ZNF486: variants seen among roughly 807,000 people sequenced by gnomAD.
ZNF486 encodes KRAB box only protein 2.
In ZNF486, 12 loss-of-function variants were observed where a neutral mutation model predicts 12.8. The ratio of observed to expected loss-of-function variants is 0.94; its 90% confidence interval spans 0.60 to 1.52. The LOEUF (loss-of-function observed/expected upper bound fraction) is 1.52. Ranked by LOEUF, ZNF486 falls within the 40% of genes most tolerant of loss-of-function variation. ZNF486 has a pLI of 0.00. For synonymous variants in ZNF486, 231 were observed against 184.9 expected (o/e 1.25, Z -2.02); for missense variants, 738 against 545.0 (o/e 1.35, Z -3.53).
intron 1 of ZNF486, among the ~76,000 whole-genome samples, chr19:20,170,698 G>A (rs1013717691): frequency 6.6e-6 from 1 of 152,182 alleles, no homozygotes; most frequent in Admixed American, 6.5e-5. Context: ...CACCATCTAA[G>A]TCATAATGGG....
In ZNF486 at chr19:20,167,334, C is replaced by A. The variant is rs369069737; in HGVS notation, c.4C>A (p.Pro2Thr). 23 of 1,613,898 alleles carry A rather than the reference C, an allele frequency of 1.4e-5. No homozygotes were observed. In the African/African-American group the frequency reaches 3.1e-4, roughly 22 times the overall value. ...TATTGGGAGATCCACAGCCAAGATG[C>A]CGGGACCCCTTAGAAGCCTAGAAAT... is the stretch of plus-strand genomic sequence containing the variant. M[P>T]GPLRSLEMES... The change falls in exon 1 of 4, where the codon CCG becomes ACG. Residue 2 changes from proline (P) to threonine (T), a missense_variant. Physicochemically the swap from Pro to Thr is conservative, Grantham distance 38. Transcript: ENST00000335117.
chr19:20,169,275 C>T (rs782636540), intron 1 of ZNF486, among the ~76,000 whole-genome samples: 1 of 152,178 alleles, frequency 6.6e-6, no homozygotes, highest in Non-Finnish European at 1.5e-5. Context: ...CCGTCACGCC[C>T]GGCTAATTAT....
At chr19:20,193,532 G>T (rs2089923242) in intron 3 of ZNF486, among the ~76,000 whole-genome samples, 2 of 151,942 alleles carry the variant, frequency 1.3e-5, no homozygotes, top group South Asian at 4.2e-4. Context: ...ATGCTGGCAG[G>T]TGCCTATAAT....
At chr19:20,172,269 T>C (rs375330456) in intron 1 of ZNF486, among the ~76,000 whole-genome samples, 5 of 151,886 alleles carry the variant, frequency 3.3e-5, no homozygotes, top group South Asian at 4.2e-4. Flanking sequence ...TCCCAAAGTG[T>C]TGGGATTACA....
At chr19:20,173,654 C>A (rs543806536) in intron 1 of ZNF486, among the ~76,000 whole-genome samples, 8 of 151,966 alleles carry the variant, frequency 5.3e-5, no homozygotes, top group Admixed American at 5.2e-4. Flanking sequence ...CATAGTGATA[C>A]CCATCTCTAC....
chr19:20,169,183 C>T (rs1331415354), intron 1 of ZNF486, among the ~76,000 whole-genome samples: 1 of 152,000 alleles, frequency 6.6e-6, no homozygotes, highest in South Asian at 2.1e-4. Flanking sequence ...GGTATGATCT[C>T]GGCTCACCGC....
intron 1 of ZNF486, chr19:20,176,240 G>C (rs2089713028): frequency 5.1e-6 from 1 of 196,804 alleles, no homozygotes. Flanking sequence ...CGGCCGGGCA[G>C]AGACGCTCCT....
chr19:20,181,893 A>G (rs577073097), intron 1 of ZNF486, among the ~76,000 whole-genome samples: 3 of 152,244 alleles, frequency 2.0e-5, no homozygotes, highest in African/African-American at 7.2e-5. Context: ...GGGTGTTATG[A>G]GAATTAAATC....
chr19:20,167,233 G>A lies in ZNF486; in HGVS notation c.-98G>A, dbSNP rs1555713100. The A allele has an allele frequency of 2.7e-6, 4 of 1,470,440 alleles. No homozygotes were observed. The highest frequency in any genetic ancestry group is 2.3e-5 in the East Asian group (1 of 44,034). The allele number at this position is 1,470,440 out of a possible 1,614,324, so 91.1% of individuals were successfully genotyped here. ...GCCTTTGTCTCTCGCTGCATCTGGA[G>A]CTCTAGGTCGCCTCTTCGCTACTCT... On this transcript the variant is annotated 5_prime_UTR_variant, in exon 1 of 4. Coordinates refer to ENST00000335117, the MANE Select transcript of ZNF486 (RefSeq NM_052852.4).
chr19:20,175,339 T>TA (rs1555714514), intron 1 of ZNF486: 1 of 146,126 alleles, frequency 6.8e-6, no homozygotes, highest in African/African-American at 2.5e-5. Flanking sequence ...TAATTTTTTT[T>TA]TTTTTTTTTT....
chr19:20,195,262 G>A (rs1185429334), intron 3 of ZNF486, among the ~76,000 whole-genome samples: 6 of 152,164 alleles, frequency 3.9e-5, no homozygotes, highest in African/African-American at 1.2e-4. Context: ...TTTCCCGCCT[G>A]GATTCAAGCA....
At chr19:20,172,632 C>T (rs1169638846) in intron 1 of ZNF486, among the ~76,000 whole-genome samples, 1 of 150,224 alleles carries the variant, frequency 6.7e-6, no homozygotes, top group East Asian at 2.0e-4. Context: ...TTGTTTTTTT[C>T]TTGTAAACTT....
In ZNF486 at chr19:20,197,735, A is replaced by C; in HGVS notation, c.1025A>C (p.Lys342Thr). The C allele has an allele frequency of 6.2e-7, 1 of 1,613,394 alleles. No individual in the cohort carries two copies. Among genetic ancestry groups the C allele is most frequent in the Non-Finnish European group, 8.5e-7 (1 of 1,179,808 alleles). ...ISSSILSKHE[K>T]IHTGEKPYKC... ...TCCTCGATCCTTAGTAAACATGAGA[A>C]GATTCATACGGGAGAGAAACCCTAC... Residue 342 changes from lysine (K) to threonine (T), a missense_variant, in exon 4 of 4, where the codon AAG becomes ACG. Coordinates refer to ENST00000335117, the MANE Select transcript of ZNF486 (RefSeq NM_052852.4).
intron 1 of ZNF486, among the ~76,000 whole-genome samples, chr19:20,168,867 G>C (rs1379471563): frequency 6.6e-6 from 1 of 151,738 alleles, no homozygotes; most frequent in African/African-American, 2.4e-5. Context: ...TTTTGAGACA[G>C]TCTTGCTTTG....
intron 3 of ZNF486, among the ~76,000 whole-genome samples, chr19:20,193,808 G>A (rs1011373552): frequency 2.0e-5 from 3 of 150,334 alleles, no homozygotes; most frequent in Non-Finnish European, 4.4e-5. Flanking sequence ...TGTCTTTTTT[G>A]TGTTTTTTTA....
intron 1 of ZNF486, among the ~76,000 whole-genome samples, chr19:20,173,845 C>A (rs1052370822): frequency 1.5e-4 from 22 of 151,054 alleles, no homozygotes; most frequent in African/African-American, 5.1e-4. Context: ...AAAAAAAAAA[C>A]TTCCAAAAAA....
chr19:20,181,543 C>CA (rs66504246), intron 1 of ZNF486, among the ~76,000 whole-genome samples: 9,412 of 127,876 alleles, frequency 0.074, 1,001 homozygotes, highest in African/African-American at 0.22. Flanking sequence ...TCTCAAAAAA[C>CA]AAAAAAAAAA....
chr19:20,178,531 C>T lies in ZNF486; in HGVS notation c.31-5825C>T, dbSNP rs149911531. Among the ~76,000 whole-genome samples, 1,209 of 152,216 alleles carry T rather than the reference C, an allele frequency of 7.9e-3. 17 individuals are homozygous for T. The highest frequency in any genetic ancestry group is 0.027 in the African/African-American group (1,138 of 41,554). ...TGCTGGGATTACAGGTGTGAGCCAC[C>T]GCGCCTGGCCAAAGAAAATTGTTCT... On this transcript the variant is annotated intron_variant, in intron 1 of 3. Coordinates refer to ENST00000335117, the MANE Select transcript of ZNF486 (RefSeq NM_052852.4).
Position 20,186,077 on chromosome 19 carries a change from C to A in ZNF486, c.248C>A (p.Pro83His), listed in dbSNP as rs781956693. The A allele has an allele frequency of 2.5e-6, 4 of 1,580,892 alleles. No individual in the cohort carries two copies. The highest frequency in any genetic ancestry group is 2.6e-6 in the Non-Finnish European group (3 of 1,167,464). Residue 83 changes from proline to histidine, a missense_variant, in exon 3 of 4, where the codon CCC (proline) becomes CAC (histidine). Coordinates refer to ENST00000335117, the MANE Select transcript of ZNF486 (RefSeq NM_052852.4). ...AAGAGACATGAGATGATTGCCAAAC[C>A]CCCAGGTAGGTGCGAATGAAAATGA... is the stretch of plus-strand genomic sequence containing the variant. ...TMKRHEMIAK[P>H]PVVCSHFAQD...
Sources: gnomAD v4.1 joint callset for allele counts (sites outside exome capture counted in the v4.1 genomes callset) on GRCh38, gnomAD v4.1.1 for gene constraint, MANE v1.5 for transcripts, NCBI Gene and HGNC (gene_info 2026-07-23, HGNC 2026-07-21) for gene names.